EPHB1: variants seen among roughly 807,000 people sequenced by gnomAD.
EPHB1 encodes ephrin type-B receptor 1.
In EPHB1, 30 loss-of-function variants were observed where a neutral mutation model predicts 94.4. That is an observed-to-expected ratio of 0.32 (90% CI 0.24 to 0.43). EPHB1 has a LOEUF of 0.43. Ranked by LOEUF, EPHB1 falls within the 20% of genes least tolerant of loss-of-function variation. The pLI is 1.00. For missense variants in EPHB1, 1,055 were observed against 1,308.3 expected, an observed-to-expected ratio of 0.81 and a Z score of 2.99; for synonymous variants, 522 against 489.1, an observed-to-expected ratio of 1.07 and a Z score of -0.89.
At chr3:134,952,362 C>T (rs1407186475) in intron 3 of EPHB1, among the ~76,000 whole-genome samples, 1 of 114,010 alleles carries the variant, frequency 8.8e-6, no homozygotes, top group Non-Finnish European at 1.7e-5. Flanking sequence ...TTCTCTCTCT[C>T]TCTCTCTCTC....
At chr3:135,079,368 C>T (rs897620562) in intron 3 of EPHB1, among the ~76,000 whole-genome samples, 3 of 152,174 alleles carry the variant, frequency 2.0e-5, no homozygotes, top group African/African-American at 7.2e-5. Flanking sequence ...AATATATGCC[C>T]GTTTATCCAA....
chr3:135,201,673 C>T lies in EPHB1; in HGVS notation c.2330C>T (p.Thr777Ile). 6.2e-7 allele frequency: 1 copy of T among 1,613,566 alleles called. No individual in the cohort carries two copies. Among genetic ancestry groups the T allele is most frequent in the Non-Finnish European group, 8.5e-7 (1 of 1,179,784 alleles). The change falls in exon 12 of 16, where the codon ACC becomes ATC. Residue 777 changes from threonine (T) to isoleucine (I), a missense_variant. By Grantham distance (89) the Thr-to-Ile change is moderately conservative (BLOSUM62 -1). Coordinates refer to ENST00000398015, the MANE Select transcript of EPHB1 (RefSeq NM_004441.5). ...RYLQDDTSDP[T>I]YTSSLGGKIP... is the part of the protein sequence containing the mutation. Reference sequence around the variant, plus strand: ...CTCCAGGATGACACCTCAGATCCCACCTACACCAGCTCCTTGGTGAGTCCT... The same window carrying T: ...CTCCAGGATGACACCTCAGATCCCATCTACACCAGCTCCTTGGTGAGTCCT...
At chr3:135,257,313 C>A (rs1933442685) in intron 15 of EPHB1, among the ~76,000 whole-genome samples, 1 of 152,146 alleles carries the variant, frequency 6.6e-6, no homozygotes, top group African/African-American at 2.4e-5. Flanking sequence ...AAGTTTCCAC[C>A]TTTTCTGTTC....
intron 12 of EPHB1, among the ~76,000 whole-genome samples, chr3:135,208,667 G>C (rs1430171677): frequency 6.6e-6 from 1 of 152,186 alleles, no homozygotes; most frequent in Non-Finnish European, 1.5e-5. Context: ...TGTGGGAACA[G>C]AGGTATAAAT....
intron 3 of EPHB1, among the ~76,000 whole-genome samples, chr3:134,963,168 TCCTTC>T (rs1306628466): frequency 6.8e-6 from 1 of 147,592 alleles, no homozygotes; most frequent in Non-Finnish European, 1.5e-5. Context: ...CTTCCTTCCT[TCCTTC>T]CTTCCTTCCT....
At chr3:135,015,630 G>A (rs1014660010) in intron 3 of EPHB1, among the ~76,000 whole-genome samples, 2 of 152,176 alleles carry the variant, frequency 1.3e-5, no homozygotes, top group Non-Finnish European at 2.9e-5. Context: ...GTGGCCTTTG[G>A]CATACCCCTG....
At chr3:135,252,223 T>C (rs1933142997) in intron 15 of EPHB1, among the ~76,000 whole-genome samples, 1 of 151,602 alleles carries the variant, frequency 6.6e-6, no homozygotes. Context: ...TATTTATTTT[T>C]TATTATTATA....
rs1187959663 is a variant in EPHB1 at position 135,114,465 on chromosome 3, G to A, written c.961+7862G>A. On this transcript the variant is annotated intron_variant, in intron 4 of 15. Coordinates refer to ENST00000398015, the MANE Select transcript of EPHB1 (RefSeq NM_004441.5). ...ACCTGTAATCCCAGCACTTTGGGAG[G>A]CCAAGGCAGGCAAATCATGAGGTCA... 2.1e-5 allele frequency among the ~76,000 whole-genome samples: 3 copies of A among 141,812 alleles called. No individual in the cohort carries two copies. The East Asian group carries it at 6.2e-4, about 29-fold the overall frequency. The allele number at this position is 141,812 out of a possible 152,430, so 93.0% of individuals were successfully genotyped here. A position where few individuals can be genotyped will look rare whatever the true frequency, so the allele number is the denominator to read the frequency against.
chr3:134,905,672 C>G (rs965174120), intron 1 of EPHB1, among the ~76,000 whole-genome samples: 1 of 152,184 alleles, frequency 6.6e-6, no homozygotes, highest in Non-Finnish European at 1.5e-5. Flanking sequence ...TTCTGGCCTC[C>G]TCTTTTCCTG....
chr3:134,895,563 A>G (rs1471755438), intron 1 of EPHB1, among the ~76,000 whole-genome samples: 1 of 152,256 alleles, frequency 6.6e-6, no homozygotes, highest in East Asian at 1.9e-4. Context: ...AAATTAAAAT[A>G]TGGTGCTAGG....
chr3:135,030,934 T>A (rs1411466490), intron 3 of EPHB1, among the ~76,000 whole-genome samples: 1 of 152,164 alleles, frequency 6.6e-6, no homozygotes, highest in Admixed American at 6.5e-5. Flanking sequence ...GGTGCGCCAT[T>A]TTTTAAGCCC....
At chr3:134,843,242 G>A (rs558729377) in intron 1 of EPHB1, among the ~76,000 whole-genome samples, 7 of 152,182 alleles carry the variant, frequency 4.6e-5, no homozygotes, top group South Asian at 2.1e-4. Flanking sequence ...CATTGTTTCC[G>A]AAAAGAAGTC....
chr3:135,125,008 T>C (rs1940141078), intron 4 of EPHB1, among the ~76,000 whole-genome samples: 1 of 151,652 alleles, frequency 6.6e-6, no homozygotes, highest in Admixed American at 6.6e-5. Flanking sequence ...TATTCCATAT[T>C]GAGCAAAACC....
chr3:135,052,677 C>A (rs946014612), intron 3 of EPHB1, among the ~76,000 whole-genome samples: 11 of 150,658 alleles, frequency 7.3e-5, no homozygotes, highest in African/African-American at 2.7e-4. Context: ...CTGGCTAACA[C>A]GGTGAGACCC....
chr3:135,106,327 G>T, intron 3 of EPHB1, 121 bp from the exon 4 acceptor site: 1 of 1,070,948 alleles, frequency 9.3e-7, no homozygotes, highest in Non-Finnish European at 1.4e-6. Context: ...GATCTCCCTT[G>T]GTACGAGAGG....
intron 6 of EPHB1, among the ~76,000 whole-genome samples, chr3:135,155,931 T>C (rs543481709): frequency 6.6e-6 from 1 of 151,646 alleles, no homozygotes; most frequent in African/African-American, 2.4e-5. Context: ...AAACAGAGCC[T>C]AGTAGATCTA....
chr3:134,795,828 C>A, intron 1 of EPHB1, 139 bp downstream of exon 1: 2 of 1,012,702 alleles, frequency 2.0e-6, no homozygotes, highest in Non-Finnish European at 3.0e-6. Context: ...GTTTGGGAGC[C>A]TCGGCCGCTG....
intron 1 of EPHB1, among the ~76,000 whole-genome samples, chr3:134,850,869 A>G (rs2036966733): frequency 6.6e-6 from 1 of 152,260 alleles, no homozygotes; most frequent in Non-Finnish European, 1.5e-5. Context: ...CAGCTGGAGC[A>G]GATCATTCTA....
intron 3 of EPHB1, among the ~76,000 whole-genome samples, chr3:135,080,842 C>T (rs988650160): frequency 9.9e-5 from 15 of 152,162 alleles, no homozygotes; most frequent in African/African-American, 2.7e-4. Context: ...AAGCCCTTAG[C>T]GCAGTGCCCA....
Sources: allele counts gnomAD v4.1 joint callset (sites outside exome capture counted in the v4.1 genomes callset), GRCh38; gene constraint gnomAD v4.1.1; transcripts MANE v1.5; gene names NCBI Gene and HGNC (gene_info 2026-07-23, HGNC 2026-07-21).